Variants in ANKRD6 observed in about 807,000 individuals in gnomAD.
The protein encoded by ANKRD6 is ankyrin repeat domain-containing protein 6.
Under a neutral mutation model 82.3 loss-of-function variants are expected in ANKRD6, and 56 were observed. That is an observed-to-expected ratio of 0.68 (90% CI 0.55 to 0.85). The LOEUF (loss-of-function observed/expected upper bound fraction) is 0.85, where lower values mean the gene tolerates loss of function less well. Ranked by LOEUF, ANKRD6 falls within the 40% of genes least tolerant of loss-of-function variation. ANKRD6 has a pLI of 0.00. For synonymous variants in ANKRD6, 347 were observed against 352.1 expected, an observed-to-expected ratio of 0.99 and a Z score of 0.16; for missense variants, 852 against 907.6, an observed-to-expected ratio of 0.94 and a Z score of 0.79.
In ANKRD6 at chr6:89,567,062, T is replaced by C. The variant is rs1306222699; in HGVS notation, c.86T>C (p.Leu29Pro). ...YKGQTENVVQ[L>P]INKGARVAVT... ...GGCCAAACAGAGAATGTGGTTCAGC[T>C]CATCAACAAGGGCGCCAGGGTAGCG... The change falls in exon 2 of 16, where the codon CTC becomes CCC. Residue 29 changes from leucine to proline, a missense_variant. Coordinates refer to ENST00000339746, the MANE Select transcript of ANKRD6 (RefSeq NM_001242809.2). 2 of 1,605,792 alleles carry C rather than the reference T, an allele frequency of 1.2e-6. No individual in the cohort carries two copies. The highest frequency in any genetic ancestry group is 1.1e-5 in the South Asian group (1 of 89,146).
At position 89,433,718 on chromosome 6, in the gene ANKRD6, C is replaced by A. The variant is rs1770251675; in HGVS notation, c.-144+343C>A. On this transcript the variant is annotated intron_variant, in intron 1 of 15. Coordinates refer to ENST00000339746, the MANE Select transcript of ANKRD6 (RefSeq NM_001242809.2). This position sits in a 1 kb window ranked among gnomAD's most constrained non-coding sequence, Gnocchi z 4.3. ...CAGTTTGAAGGAAGGGCGGTGGGGGCGGGGGTCCGAGTACCCCGCGGTCTG... is the reference window on the plus strand; with the variant it reads ...CAGTTTGAAGGAAGGGCGGTGGGGGAGGGGGTCCGAGTACCCCGCGGTCTG... Among the ~76,000 whole-genome samples the A allele has an allele frequency of 6.6e-6, 1 of 152,052 alleles. No homozygotes were observed. The highest frequency in any genetic ancestry group is 1.9e-4 in the East Asian group (1 of 5,160).
intron 1 of ANKRD6, among the ~76,000 whole-genome samples, chr6:89,478,756 CA>C (rs139491926): frequency 0.078 from 8,401 of 107,816 alleles, 194 homozygotes; most frequent in South Asian, 0.19. Context: ...GACTCTGTCT[CA>C]AAAAAAAAAA....
chr6:89,628,862 C>T, intron 14 of ANKRD6: 1 of 476,904 alleles, frequency 2.1e-6, no homozygotes, highest in Non-Finnish European at 3.8e-6. Context: ...AGGCATTCAC[C>T]CCCTTGACAC....
rs1291451922 is a variant in ANKRD6, at chr6:89,629,255, G to C, written c.1612+17G>C. ...CCTCTACAGGTAACCCACACACAGA[G>C]AGCCCTTTTGTCCAAAAGGAACACG... is the stretch of plus-strand genomic sequence containing the variant. On this transcript the variant is annotated intron_variant, in intron 15 of 15. Transcript: ENST00000339746. The C allele has an allele frequency of 1.2e-6, 2 of 1,613,516 alleles. No homozygotes were observed. Among genetic ancestry groups the C allele is most frequent in the East Asian group, 4.5e-5 (2 of 44,872 alleles).
intron 1 of ANKRD6, among the ~76,000 whole-genome samples, chr6:89,498,853 T>C (rs573850725): frequency 1.3e-5 from 2 of 152,318 alleles, no homozygotes; most frequent in Non-Finnish European, 2.9e-5. Context: ...TTATTGAGTA[T>C]GAGATATGTG....
intron 2 of ANKRD6, among the ~76,000 whole-genome samples, chr6:89,580,555 AC>A (rs1243254270): frequency 6.6e-6 from 1 of 152,010 alleles, no homozygotes; most frequent in Non-Finnish European, 1.5e-5. Flanking sequence ...GCCTCAAGAA[AC>A]ACAGTGAGAA....
chr6:89,554,119 C>T (rs60650754), intron 1 of ANKRD6, among the ~76,000 whole-genome samples: 11,230 of 152,240 alleles, frequency 0.074, 522 homozygotes, highest in Middle Eastern at 0.15. Context: ...GAAGGCATTC[C>T]TATTTCCTTT....
chr6:89,603,122 G>C lies in ANKRD6; in HGVS notation c.313G>C (p.Asp105His). 6.2e-7 allele frequency: 1 copy of C among 1,600,756 alleles called. No individual in the cohort carries two copies. Among genetic ancestry groups the C allele is most frequent in the Non-Finnish European group, 8.5e-7 (1 of 1,174,108 alleles). Residue 105 changes from aspartate to histidine, a missense_variant, in exon 4 of 16, where the codon GAC becomes CAC. Asp to His is a moderately conservative substitution (Grantham distance 81). Transcript: ENST00000339746. ...CGAAGGGTGTGCCCTGGACAGACAA[G>C]ACAAGGTGAGTGGACACTGAGCTTC... ...IHEGCALDRQ[D>H]KDGNTALHEA...
chr6:89,612,413 G>A, intron 6 of ANKRD6, 43 bp downstream of exon 6: 1 of 1,505,426 alleles, frequency 6.6e-7, no homozygotes, highest in South Asian at 1.2e-5. Context: ...TCTTTCTTGT[G>A]TCACTTCAGA....
rs1010503278 is a variant in ANKRD6, at chr6:89,618,078, A to G, written c.792+47A>G. The G allele has an allele frequency of 3.7e-6, 6 of 1,600,696 alleles. No individual in the cohort carries two copies. The African/African-American group carries it at 4.0e-5, about 11-fold the overall frequency. On this transcript the variant is annotated intron_variant, in intron 9 of 15. Coordinates refer to ENST00000339746, the MANE Select transcript of ANKRD6 (RefSeq NM_001242809.2). Reference sequence around the variant, plus strand: ...ATGGTACTGATTATGCGGGACTACAAAGTTGTTGGGACTCCTGGTTGCAAT... The same window carrying G: ...ATGGTACTGATTATGCGGGACTACAGAGTTGTTGGGACTCCTGGTTGCAAT...
chr6:89,525,366 T>G (rs1322300696), intron 1 of ANKRD6, among the ~76,000 whole-genome samples: 2 of 151,416 alleles, frequency 1.3e-5, no homozygotes, highest in Non-Finnish European at 2.9e-5. Flanking sequence ...CCTTGAGAGC[T>G]CTCAGATGGC....
intron 1 of ANKRD6, among the ~76,000 whole-genome samples, chr6:89,533,701 TGAGA>T (rs146850369): frequency 0.013 from 1,894 of 145,134 alleles, 13 homozygotes; most frequent in Non-Finnish European, 0.019. Flanking sequence ...CCATCACGAA[TGAGA>T]GAGAGAGAGA....
rs535145625 is a variant in ANKRD6 at position 89,487,508 on chromosome 6, C to T, written c.-144+54133C>T. On this transcript the variant is annotated intron_variant, in intron 1 of 15. Transcript: ENST00000339746. ...AGTATTCACTCCTACCAACTTTTCTCAGCATTAAAAAATTCAGCTTGTCTT... is the reference window on the plus strand; with the variant it reads ...AGTATTCACTCCTACCAACTTTTCTTAGCATTAAAAAATTCAGCTTGTCTT... Among the ~76,000 whole-genome samples the T allele has an allele frequency of 2.6e-5, 4 of 152,306 alleles. No individual in the cohort carries two copies. The East Asian group carries it at 5.8e-4, about 22-fold the overall frequency.
intron 1 of ANKRD6, among the ~76,000 whole-genome samples, chr6:89,442,895 C>T (rs1771600217): frequency 6.6e-6 from 1 of 152,144 alleles, no homozygotes; most frequent in Admixed American, 6.5e-5. Context: ...AGATGCTGGA[C>T]TCTCAGTTGA....
intron 1 of ANKRD6, among the ~76,000 whole-genome samples, chr6:89,539,783 C>G (rs1406837449): frequency 6.6e-6 from 1 of 150,544 alleles, no homozygotes. Flanking sequence ...CACCTCCCTC[C>G]ACCCAGCCCC....
intron 2 of ANKRD6, among the ~76,000 whole-genome samples, chr6:89,577,495 G>GT (rs1791385380): frequency 6.7e-6 from 1 of 148,994 alleles, no homozygotes; most frequent in Non-Finnish European, 1.5e-5. Flanking sequence ...ACCAACAGGT[G>GT]TTTTGTCATC....
chr6:89,613,875 C>T lies in ANKRD6; in HGVS notation c.600C>T (p.Val200=). 1.2e-6 allele frequency: 2 copies of T among 1,613,950 alleles called. No individual in the cohort carries two copies. Among genetic ancestry groups the T allele is most frequent in the Non-Finnish European group, 1.7e-6 (2 of 1,179,858 alleles). ...IRLLLTAFCS[V]HEKNQAGDTA... ...TCCTCCTCACTGCTTTCTGTTCTGT[C>T]CATGAAAAGAACCAGGTCAGTGCAT... Residue 200 remains valine (V), a synonymous_variant, in exon 7 of 16, where the codon GTC becomes GTT. Transcript: ENST00000339746.
chr6:89,621,486 T>C (rs1250063020), intron 9 of ANKRD6: 1 of 173,732 alleles, frequency 5.8e-6, no homozygotes, highest in African/African-American at 2.4e-5. Context: ...CAAGGGAACA[T>C]CTGCTGGGCT....
intron 2 of ANKRD6, among the ~76,000 whole-genome samples, chr6:89,581,265 T>A (rs774997047): frequency 2.6e-5 from 4 of 152,206 alleles, no homozygotes; most frequent in Non-Finnish European, 5.9e-5. Context: ...GCAGTGACTC[T>A]GTTTGGAGGT....
Sources: gnomAD v4.1 joint callset for allele counts (sites outside exome capture counted in the v4.1 genomes callset) on GRCh38, gnomAD v4.1.1 for gene constraint, Gnocchi (gnomAD v3.1) non-coding constraint, MANE v1.5 for transcripts, NCBI Gene and HGNC (gene_info 2026-07-23, HGNC 2026-07-21) for gene names.